The following NSMCE1 variants were observed in gnomAD, a reference collection of about 807,000 sequenced individuals.
NSMCE1 encodes the protein NSE1 component of SMC5/6 complex.
A neutral mutation model predicts 29.6 loss-of-function variants in NSMCE1; 18 were observed. That is an observed-to-expected ratio of 0.61 (90% CI 0.42 to 0.90). The LOEUF (loss-of-function observed/expected upper bound fraction) is 0.90, where lower values mean the gene tolerates loss of function less well. Among genes scored for constraint, NSMCE1 ranks in the 40% least tolerant of loss-of-function variants. The pLI is 0.00. For synonymous variants in NSMCE1, 124 were observed against 133.4 expected (o/e 0.93, Z 0.49); for missense variants, 314 against 343.6 (o/e 0.91, Z 0.68).
At chr16:27,253,226 T>C (rs1478759557) in intron 2 of NSMCE1, among the ~76,000 whole-genome samples, 4 of 152,236 alleles carry the variant, frequency 2.6e-5, no homozygotes, top group Non-Finnish European at 5.9e-5. Flanking sequence ...TGTACAGCCA[T>C]TGGTCAGAAA....
chr16:27,262,180 G>A lies in NSMCE1; in HGVS notation c.-11-4599C>T, dbSNP rs374254422. Among the ~76,000 whole-genome samples, 82 of 151,664 alleles carry A rather than the reference G, an allele frequency of 5.4e-4. 1 individual carries two copies. Among genetic ancestry groups the A allele is most frequent in the African/African-American group, 1.9e-3 (80 of 41,362 alleles). On this transcript the variant is annotated intron_variant, in intron 1 of 7. Transcript: ENST00000361439. ...AATCGCTTGAACCTGGGAGGCGGGG[G>A]TTGCAGTGAGCCAAGATCACGCCAT...
intron 2 of NSMCE1, among the ~76,000 whole-genome samples, chr16:27,239,837 T>C (rs1048763671): frequency 2.5e-4 from 38 of 152,174 alleles, no homozygotes; most frequent in Non-Finnish European, 4.7e-4. Flanking sequence ...GCTATCTGTG[T>C]TCTCTCTACT....
intron 2 of NSMCE1, among the ~76,000 whole-genome samples, chr16:27,244,481 G>A (rs2083930781): frequency 6.6e-6 from 1 of 152,242 alleles, no homozygotes; most frequent in South Asian, 2.1e-4. Context: ...AGATGTCTGG[G>A]GCTCCATCCC....
chr16:27,234,346 T>G, intron 3 of NSMCE1, 81 bp from the exon 4 acceptor site: 1 of 909,226 alleles, frequency 1.1e-6, no homozygotes, highest in Admixed American at 1.7e-5. Context: ...CTCCCTCCCC[T>G]CCTCCATCTC....
At chr16:27,229,825 C>T (rs978294234) in intron 5 of NSMCE1, among the ~76,000 whole-genome samples, 8 of 152,196 alleles carry the variant, frequency 5.3e-5, no homozygotes, top group Non-Finnish European at 1.0e-4. Flanking sequence ...GTGATCTACC[C>T]GCCTTGGCCT....
At chr16:27,259,270 G>A (rs2084126911) in intron 1 of NSMCE1, among the ~76,000 whole-genome samples, 2 of 151,962 alleles carry the variant, frequency 1.3e-5, no homozygotes, top group Non-Finnish European at 2.9e-5. Context: ...GGACGGTGCA[G>A]TCCACACAAT....
chr16:27,267,083 A>G lies in NSMCE1; in HGVS notation c.-12+1623T>C, dbSNP rs867906885. Among the ~76,000 whole-genome samples, 2 of 152,276 alleles carry G rather than the reference A, an allele frequency of 1.3e-5. 1 individual carries two copies. The highest frequency in any genetic ancestry group is 6.8e-3 in the Middle Eastern group (2 of 294). On this transcript the variant is annotated intron_variant, in intron 1 of 7. Transcript: ENST00000361439. ...TAGTGTTTTAGCCATAAGTTTCAAG[A>G]GTTCATATATACAGATAAACCAATT...
At chr16:27,234,325 G>T (rs1040131792) in intron 3 of NSMCE1, 60 bp from the exon 4 acceptor site, 1 of 1,155,566 alleles carries the variant, frequency 8.7e-7, no homozygotes, top group Non-Finnish European at 1.3e-6. Context: ...TTAACGTGTC[G>T]CTGGCTCTCC....
intron 2 of NSMCE1, among the ~76,000 whole-genome samples, chr16:27,245,636 C>A (rs932151558): frequency 6.6e-6 from 1 of 152,212 alleles, no homozygotes; most frequent in Non-Finnish European, 1.5e-5. Flanking sequence ...GCTTCTTGAA[C>A]CCAAAGATTC....
intron 5 of NSMCE1, among the ~76,000 whole-genome samples, chr16:27,231,713 T>G (rs552243195): frequency 1.3e-5 from 2 of 151,540 alleles, no homozygotes; most frequent in African/African-American, 2.4e-5. Flanking sequence ...TGAGTAGCCC[T>G]AGAACATTCC....
intron 3 of NSMCE1, 86 bp from the exon 4 acceptor site, chr16:27,234,351 C>T (rs2083796328): frequency 1.1e-6 from 1 of 874,962 alleles, no homozygotes; most frequent in African/African-American, 1.6e-5. Context: ...TCCCCTCCTC[C>T]ATCTCTGGCC....
At chr16:27,248,574 C>T (rs1022135282) in intron 2 of NSMCE1, among the ~76,000 whole-genome samples, 2 of 151,878 alleles carry the variant, frequency 1.3e-5, no homozygotes, top group African/African-American at 4.8e-5. Context: ...CCAAGCCTGG[C>T]TAATTTTTGT....
intron 2 of NSMCE1, among the ~76,000 whole-genome samples, chr16:27,246,167 T>C (rs1194272969): frequency 6.6e-6 from 1 of 152,222 alleles, no homozygotes; most frequent in East Asian, 1.9e-4. Flanking sequence ...CCATGATACT[T>C]GACTCACTCA....
chr16:27,259,194 C>T (rs747704428), intron 1 of NSMCE1, among the ~76,000 whole-genome samples: 10 of 152,170 alleles, frequency 6.6e-5, no homozygotes, highest in Non-Finnish European at 1.2e-4. Flanking sequence ...TTAGACTCAT[C>T]CTCTCCTTCC....
chr16:27,237,587 G>C (rs2083839917), intron 2 of NSMCE1, among the ~76,000 whole-genome samples: 1 of 152,020 alleles, frequency 6.6e-6, no homozygotes, highest in South Asian at 2.1e-4. Context: ...TGCGGAGTGA[G>C]TGACAGGAAC....
At chr16:27,234,749 T>C (rs1454410515) in intron 3 of NSMCE1, among the ~76,000 whole-genome samples, 2 of 152,168 alleles carry the variant, frequency 1.3e-5, no homozygotes, top group African/African-American at 4.8e-5. Context: ...CCAGCTGAGG[T>C]GTCTCCTAGC....
Position 27,257,414 on chromosome 16 carries a change from GAACAGGGA to G in NSMCE1, c.136+13_136+20del, listed in dbSNP as rs763976181. 6.3e-7 allele frequency: 1 copy of G among 1,595,228 alleles called. No individual in the cohort carries two copies. Among genetic ancestry groups the G allele is most frequent in the South Asian group, 1.1e-5 (1 of 89,092 alleles). ...TCAACACAGCACCAGAGCGCCCTGG[GAACAGGGA>G]AACGGTACTCACGGTCATGGACCTT... On this transcript the variant is annotated intron_variant, in intron 2 of 7. Coordinates refer to ENST00000361439, the MANE Select transcript of NSMCE1 (RefSeq NM_145080.4).
intron 2 of NSMCE1, among the ~76,000 whole-genome samples, chr16:27,250,361 A>C (rs1397746477): frequency 6.6e-6 from 1 of 152,184 alleles, no homozygotes; most frequent in African/African-American, 2.4e-5. Flanking sequence ...ATTAAGAGTG[A>C]TGTTAGCTGT....
intron 1 of NSMCE1, among the ~76,000 whole-genome samples, chr16:27,258,739 C>T (rs2084116951): frequency 6.6e-6 from 1 of 151,874 alleles, no homozygotes; most frequent in Admixed American, 6.6e-5. Context: ...AATTACTGCT[C>T]TTTTGTTCTT....
Sources: allele counts gnomAD v4.1 joint callset (sites outside exome capture counted in the v4.1 genomes callset), GRCh38; gene constraint gnomAD v4.1.1; transcripts MANE v1.5; gene names NCBI Gene and HGNC (gene_info 2026-07-23, HGNC 2026-07-21).